Variants in AXIN1 observed in about 807,000 individuals in gnomAD.
AXIN1 encodes the protein axin 1, also known as axin-1.
In AXIN1, 30 loss-of-function variants were observed where a neutral mutation model predicts 76.4. That is an observed-to-expected ratio of 0.39 (90% CI 0.29 to 0.53). The LOEUF is 0.53. Ranked by LOEUF, AXIN1 falls within the 20% of genes least tolerant of loss-of-function variation. The probability of loss-of-function intolerance (pLI) is 0.66; values close to 1 mark genes in which losing one functional copy is unlikely to be tolerated. For missense variants in AXIN1, 1,140 were observed against 1,198.8 expected (o/e 0.95, Z 0.72); for synonymous variants, 545 against 501.4 (o/e 1.09, Z -1.16).
intron 5 of AXIN1, among the ~76,000 whole-genome samples, chr16:303,615 C>G (rs1403054320): frequency 2.0e-5 from 3 of 152,104 alleles, no homozygotes; most frequent in Non-Finnish European, 4.4e-5. Context: ...CTCCTGACCT[C>G]AGGTGATCCG....
intron 2 of AXIN1, among the ~76,000 whole-genome samples, chr16:339,296 G>A (rs1309269965): frequency 6.7e-6 from 1 of 149,312 alleles, no homozygotes; most frequent in African/African-American, 2.5e-5. Flanking sequence ...AAGGTCAGGA[G>A]ATCGAGACCA....
At chr16:352,033 G>A (rs1213807028) in intron 1 of AXIN1, among the ~76,000 whole-genome samples, 2 of 151,940 alleles carry the variant, frequency 1.3e-5, no homozygotes, top group Non-Finnish European at 2.9e-5. Context: ...ACGCGGCCTC[G>A]GCGAGGGCGG....
intron 2 of AXIN1, among the ~76,000 whole-genome samples, chr16:338,172 C>A (rs939112244): frequency 6.6e-6 from 1 of 152,202 alleles, no homozygotes; most frequent in East Asian, 1.9e-4. Context: ...ATGACGTCTG[C>A]GTTTGACAAG....
intron 2 of AXIN1, among the ~76,000 whole-genome samples, chr16:316,251 A>G (rs1309851804): frequency 3.3e-5 from 5 of 152,166 alleles, no homozygotes; most frequent in African/African-American, 1.2e-4. Context: ...CAGAGCCTAA[A>G]GGTAAAAAAT....
chr16:331,213 T>C (rs1047371469), intron 2 of AXIN1, among the ~76,000 whole-genome samples: 3 of 151,706 alleles, frequency 2.0e-5, no homozygotes, highest in Middle Eastern at 3.4e-3. Flanking sequence ...TGGACACTTA[T>C]CAATCTAGTT....
chr16:335,610 A>C (rs1399691590), intron 2 of AXIN1, among the ~76,000 whole-genome samples: 1 of 152,002 alleles, frequency 6.6e-6, no homozygotes, highest in Non-Finnish European at 1.5e-5. Flanking sequence ...CACAACACCC[A>C]GTACCATGGC....
intron 2 of AXIN1, among the ~76,000 whole-genome samples, chr16:331,806 T>A (rs570364270): frequency 1.3e-5 from 2 of 152,286 alleles, no homozygotes; most frequent in African/African-American, 4.8e-5. Context: ...AGCCTGACAC[T>A]GCATGAGGGG....
At chr16:326,781 G>A (rs7195617) in intron 2 of AXIN1, among the ~76,000 whole-genome samples, 103,394 of 151,278 alleles carry the variant, frequency 0.68, 36,674 homozygotes, top group African/African-American at 0.88. Flanking sequence ...CGTCAGCTAT[G>A]AAAATCTCTA....
In AXIN1 at chr16:348,540, C is replaced by T. The variant is rs117298799; in HGVS notation, c.-81-1434G>A. ...CAGAGCCAGGCGTGGTGTCACGCAC[C>T]TGTAGTCCCAGCTACTCAGGAGGCT... On this transcript the variant is annotated intron_variant, in intron 1 of 10. Coordinates refer to ENST00000262320, the MANE Select transcript of AXIN1 (RefSeq NM_003502.4). 1.9e-3 allele frequency among the ~76,000 whole-genome samples: 291 copies of T among 152,336 alleles called. 1 individual carries two copies. Among genetic ancestry groups the T allele is most frequent in the Non-Finnish European group, 2.0e-3 (137 of 68,022 alleles).
chr16:346,165 G>A lies in AXIN1; in HGVS notation c.861C>T (p.Ser287=), dbSNP rs755122731. The A allele has an allele frequency of 1.4e-5, 22 of 1,613,592 alleles. No homozygotes were observed. Among genetic ancestry groups the A allele is most frequent in the Middle Eastern group, 3.3e-4 (2 of 6,084 alleles). ...GGACTCACCTGAACTCTCTGCCTTC[G>A]CTGTACCGTCTACTGGAGGAGACCC... ...APRVSSSRRY[S]EGREFRYGSW... The change falls in exon 2 of 11, where the codon AGC becomes AGT. Residue 287 remains serine (S), a synonymous_variant. Coordinates refer to ENST00000262320, the MANE Select transcript of AXIN1 (RefSeq NM_003502.4).
intron 1 of AXIN1, 94 bp downstream of exon 1, chr16:352,275 A>C (rs2141726589): frequency 1.3e-6 from 1 of 770,312 alleles, no homozygotes; most frequent in Non-Finnish European, 1.6e-6. Context: ...CCTCGGTCCC[A>C]CGCGCGTCAG....
intron 2 of AXIN1, among the ~76,000 whole-genome samples, chr16:327,577 G>C (rs998259089): frequency 3.3e-5 from 5 of 152,210 alleles, no homozygotes; most frequent in African/African-American, 1.2e-4. Context: ...CGATAGGGAG[G>C]GTGTGTGTTT....
At chr16:319,608 C>T (rs1408020299) in intron 2 of AXIN1, among the ~76,000 whole-genome samples, 1 of 152,180 alleles carries the variant, frequency 6.6e-6, no homozygotes, top group Non-Finnish European at 1.5e-5. Context: ...TCTCCCCTGC[C>T]CAGGTGTTCA....
rs368299366 is a variant in AXIN1, at chr16:288,074, G to A, written c.*48C>T. 9.3e-6 allele frequency: 15 copies of A among 1,611,904 alleles called. No homozygotes were observed. The East Asian group carries it at 1.1e-4, about 12-fold the overall frequency. On this transcript the variant is annotated 3_prime_UTR_variant, in exon 11 of 11. Coordinates refer to ENST00000262320, the MANE Select transcript of AXIN1 (RefSeq NM_003502.4). ...GGTCATCTGCCTGGCCGTGACACCC[G>A]TGCCCGCCAAGGGCCTCGCCTGGCA...
At position 303,479 on chromosome 16, in the gene AXIN1, T is replaced by G. The variant is rs555105124; in HGVS notation, c.1254+825A>C. On this transcript the variant is annotated intron_variant, in intron 5 of 10. Transcript: ENST00000262320. ...ACACTGAAGCCTCTGCCTCCTGGGT[T>G]CAAGCGATTCTCCAGCCTCAGCCTC... Among the ~76,000 whole-genome samples the G allele has an allele frequency of 4.9e-3, 749 of 152,090 alleles. 2 individuals are homozygous for G. The highest frequency in any genetic ancestry group is 7.7e-3 in the Non-Finnish European group (525 of 67,990).
intron 2 of AXIN1, among the ~76,000 whole-genome samples, chr16:322,487 A>AT (rs2053480818): frequency 6.6e-6 from 1 of 152,184 alleles, no homozygotes; most frequent in Admixed American, 6.5e-5. Context: ...CTGAGTTAGC[A>AT]TGGCAGGTGC....
intron 2 of AXIN1, among the ~76,000 whole-genome samples, chr16:318,598 T>C (rs975600124): frequency 2.0e-5 from 3 of 152,122 alleles, no homozygotes; most frequent in Non-Finnish European, 4.4e-5. Flanking sequence ...GGAGGTCACA[T>C]GGGAGTTCCA....
chr16:314,564 A>T lies in AXIN1; in HGVS notation c.998T>A (p.Leu333Gln), dbSNP rs766283173. ...TTACACGCTGCTGTCCGTGAGGGACAGGGTGTCTGCATCGCTGGACAGGCT... is the reference window on the plus strand; with the variant it reads ...TTACACGCTGCTGTCCGTGAGGGACTGGGTGTCTGCATCGCTGGACAGGCT... ...QQSLSSDADT[L>Q]SLTDSSVDGI... The change falls in exon 3 of 11, where the codon CTG (leucine) becomes CAG (glutamine). Residue 333 changes from leucine (L) to glutamine (Q), a missense_variant. Transcript: ENST00000262320. 1 of 1,613,880 alleles carries T rather than the reference A, an allele frequency of 6.2e-7. No individual in the cohort carries two copies. The highest frequency in any genetic ancestry group is 2.2e-5 in the East Asian group (1 of 44,882).
intron 2 of AXIN1, among the ~76,000 whole-genome samples, chr16:334,691 C>T (rs543179898): frequency 6.6e-6 from 1 of 151,294 alleles, no homozygotes; most frequent in South Asian, 2.1e-4. Context: ...CACCCAATAC[C>T]ACAGCACACC....
Sources: allele counts gnomAD v4.1 joint callset (sites outside exome capture counted in the v4.1 genomes callset), GRCh38; gene constraint gnomAD v4.1.1; transcripts MANE v1.5; gene names NCBI Gene and HGNC (gene_info 2026-07-23, HGNC 2026-07-21).